The following KCNIP3 variants were observed in gnomAD, a reference collection of about 807,000 sequenced individuals.
The protein encoded by KCNIP3 is calsenilin.
A neutral mutation model predicts 35.0 loss-of-function variants in KCNIP3; 28 were observed. The observed-to-expected ratio is 0.80, with a 90% CI of 0.59 to 1.10. The LOEUF is 1.10. Ranked by LOEUF, KCNIP3 falls within the 50% of genes least tolerant of loss-of-function variation. The probability of loss-of-function intolerance (pLI) is 0.00; values close to 1 mark genes in which losing one functional copy is unlikely to be tolerated. For synonymous variants in KCNIP3, 134 were observed against 133.8 expected (o/e 1.00, Z -0.01); for missense variants, 295 against 338.4 (o/e 0.87, Z 1.01).
intron 2 of KCNIP3, among the ~76,000 whole-genome samples, chr2:95,315,876 G>A (rs536048526): frequency 7.2e-5 from 11 of 152,282 alleles, no homozygotes; most frequent in African/African-American, 1.4e-4. Context: ...GCCCTGCCTC[G>A]GGCCCCATCC....
intron 2 of KCNIP3, among the ~76,000 whole-genome samples, chr2:95,337,080 C>G (rs1202236357): frequency 6.6e-6 from 1 of 152,326 alleles, no homozygotes; most frequent in East Asian, 1.9e-4. Flanking sequence ...CCTTTCCAGA[C>G]CCCCATCATC....
chr2:95,338,729 C>T (rs958389179), intron 2 of KCNIP3, among the ~76,000 whole-genome samples: 9 of 152,158 alleles, frequency 5.9e-5, no homozygotes, highest in African/African-American at 1.4e-4. Context: ...AGAGAGGTGA[C>T]GTGAAATCAG....
At chr2:95,361,810 G>A (rs1395499296) in intron 2 of KCNIP3, among the ~76,000 whole-genome samples, 1 of 152,200 alleles carries the variant, frequency 6.6e-6, no homozygotes, top group Non-Finnish European at 1.5e-5. Context: ...GTACGGCAGC[G>A]AGGAGACCCG....
chr2:95,355,108 A>G (rs769929876), intron 2 of KCNIP3: 2 of 152,178 alleles, frequency 1.3e-5, no homozygotes, highest in Non-Finnish European at 2.9e-5. Flanking sequence ...GAACACCGGC[A>G]CACCTGCCCT....
chr2:95,347,009 C>T lies in KCNIP3; in HGVS notation c.182-27287C>T, dbSNP rs777304751. 2.5e-6 allele frequency: 4 copies of T among 1,597,970 alleles called. No individual in the cohort carries two copies. In the Admixed American group the frequency reaches 5.1e-5, roughly 20 times the overall value. On this transcript the variant is annotated intron_variant, in intron 2 of 8. Transcript: ENST00000295225. ...GCCCGGGCCCCAGGGCCCCAGGCAGCCCGGCTTGCCATGGGCATCCAGGGC... is the reference window on the plus strand; with the variant it reads ...GCCCGGGCCCCAGGGCCCCAGGCAGTCCGGCTTGCCATGGGCATCCAGGGC...
intron 2 of KCNIP3, among the ~76,000 whole-genome samples, chr2:95,321,021 C>G (rs1678582539): frequency 7.2e-6 from 1 of 139,060 alleles, no homozygotes; most frequent in South Asian, 2.3e-4. Context: ...TGACCCCCAG[C>G]CTCTCCTCCC....
chr2:95,302,413 C>T (rs1354850406), intron 1 of KCNIP3, among the ~76,000 whole-genome samples: 2 of 152,236 alleles, frequency 1.3e-5, no homozygotes, highest in Non-Finnish European at 2.9e-5. Flanking sequence ...GTAGCCCAGC[C>T]CTCTCTGCAT....
chr2:95,358,053 A>T (rs1474215826), intron 2 of KCNIP3, among the ~76,000 whole-genome samples: 1 of 152,120 alleles, frequency 6.6e-6, no homozygotes, highest in Non-Finnish European at 1.5e-5. Flanking sequence ...GAGCCGGGGA[A>T]CATGGCACCT....
intron 2 of KCNIP3, among the ~76,000 whole-genome samples, chr2:95,345,790 G>A (rs1464943154): frequency 1.3e-5 from 2 of 152,226 alleles, no homozygotes; most frequent in African/African-American, 4.8e-5. Context: ...GCCACGCCTC[G>A]TCCTCCCCTA....
chr2:95,380,054 C>T (rs1680300218), intron 5 of KCNIP3, among the ~76,000 whole-genome samples: 2 of 152,146 alleles, frequency 1.3e-5, no homozygotes, highest in Admixed American at 6.5e-5. Context: ...CCAGCATTGG[C>T]CCCTCTGGAG....
chr2:95,300,420 AC>A (rs1433855929), intron 1 of KCNIP3, among the ~76,000 whole-genome samples: 1 of 149,318 alleles, frequency 6.7e-6, no homozygotes, highest in Non-Finnish European at 1.5e-5. Flanking sequence ...TCCCCAGCCC[AC>A]CCCTGGGCAT....
At position 95,384,092 on chromosome 2, in the gene KCNIP3, C is replaced by T. The variant is rs772564950; in HGVS notation, c.*43C>T. The T allele has an allele frequency of 6.3e-7, 1 of 1,585,584 alleles. No homozygotes were observed. Among genetic ancestry groups the T allele is most frequent in the Non-Finnish European group, 8.7e-7 (1 of 1,154,636 alleles). ...GCATGGCCACAGCCACCTCCACCCC[C>T]AAGAAACCTCCATCCTGCCAGGAGC... is the stretch of plus-strand genomic sequence containing the variant. On this transcript the variant is annotated 3_prime_UTR_variant, in exon 9 of 9. Coordinates refer to ENST00000295225, the MANE Select transcript of KCNIP3 (RefSeq NM_013434.5).
At chr2:95,298,342 C>T (rs1465429732) in intron 1 of KCNIP3, among the ~76,000 whole-genome samples, 2 of 152,142 alleles carry the variant, frequency 1.3e-5, no homozygotes, top group South Asian at 2.1e-4. Context: ...GCTTGGAGGC[C>T]GCCTGATCAG....
chr2:95,308,152 G>A (rs1358816513), intron 1 of KCNIP3, among the ~76,000 whole-genome samples: 1 of 152,176 alleles, frequency 6.6e-6, no homozygotes, highest in Non-Finnish European at 1.5e-5. Flanking sequence ...TGCATAGCGT[G>A]TGCACATAGG....
intron 2 of KCNIP3, among the ~76,000 whole-genome samples, chr2:95,320,542 C>G (rs1229524614): frequency 6.6e-6 from 1 of 152,094 alleles, no homozygotes; most frequent in Admixed American, 6.5e-5. Context: ...GAGCCTGCCC[C>G]TCTCCCGTGG....
chr2:95,345,567 A>G (rs1679329635), intron 2 of KCNIP3, among the ~76,000 whole-genome samples: 1 of 152,264 alleles, frequency 6.6e-6, no homozygotes, highest in Non-Finnish European at 1.5e-5. Context: ...GAGTCCAAAC[A>G]GGACTCGCGC....
chr2:95,375,221 G>C lies in KCNIP3; in HGVS notation c.447+13G>C. ...CATCCACTTTGAGGTAGGTCCTCGC[G>C]GATTCCTCCCACGTGTCCTGCCCCT... is the stretch of plus-strand genomic sequence containing the variant. On this transcript the variant is annotated intron_variant, in intron 5 of 8. Coordinates refer to ENST00000295225, the MANE Select transcript of KCNIP3 (RefSeq NM_013434.5). The C allele has an allele frequency of 6.2e-7, 1 of 1,612,854 alleles. No individual in the cohort carries two copies.
At chr2:95,348,244 C>G (rs1425762674) in intron 2 of KCNIP3, among the ~76,000 whole-genome samples, 1 of 152,236 alleles carries the variant, frequency 6.6e-6, no homozygotes. Context: ...GAAAGTGGCC[C>G]AGGCTGGGCC....
chr2:95,354,632 C>T (rs544657019), intron 2 of KCNIP3, among the ~76,000 whole-genome samples: 12 of 152,324 alleles, frequency 7.9e-5, no homozygotes, highest in African/African-American at 2.2e-4. Context: ...ATGCCCTCTG[C>T]GCACTTGCCC....
Sources: allele counts gnomAD v4.1 joint callset (sites outside exome capture counted in the v4.1 genomes callset), GRCh38; gene constraint gnomAD v4.1.1; transcripts MANE v1.5; gene names NCBI Gene and HGNC (gene_info 2026-07-23, HGNC 2026-07-21).